Variants in ERCC1 observed in about 807,000 individuals in gnomAD.
ERCC1 encodes the protein DNA excision repair protein ERCC-1.
ERCC1 carries 36 observed loss-of-function variants against 37.6 expected under a neutral mutation model. The ratio of observed to expected loss-of-function variants is 0.96; its 90% CI spans 0.73 to 1.26. The LOEUF (loss-of-function observed/expected upper bound fraction) is 1.26. Ranked by LOEUF, ERCC1 falls within the 50% of genes most tolerant of loss-of-function variation. ERCC1 has a pLI of 0.00. For missense variants in ERCC1, 349 were observed against 376.5 expected (o/e 0.93, Z 0.60); for synonymous variants, 156 against 162.1 (o/e 0.96, Z 0.28).
rs180786624 is a variant in ERCC1 at position 45,432,972 on chromosome 19, C to T, written c.-7-9591G>A. Among the ~76,000 whole-genome samples, 836 of 152,206 alleles carry T rather than the reference C, an allele frequency of 5.5e-3. 18 individuals are homozygous for T. Among genetic ancestry groups the T allele is most frequent in the Admixed American group, 0.044 (665 of 15,262 alleles). ...GCACATGCCTCTAATCCCACCTACT[C>T]GGGAGGCTGAGGCAGGAGAATCGCT... is the stretch of plus-strand genomic sequence containing the variant. On this transcript the variant is annotated intron_variant, in intron 1 of 8. Transcript: ENST00000423698.
intron 7 of ERCC1, 57 bp from the exon 8 acceptor site, chr19:45,414,091 C>T: frequency 7.0e-7 from 1 of 1,434,152 alleles, no homozygotes; most frequent in Non-Finnish European, 9.8e-7. Flanking sequence ...AAGACTGAGC[C>T]TAGGAGGGCA....
chr19:45,421,452 G>A (rs1459418972), intron 2 of ERCC1, 59 bp from the exon 3 acceptor site: 2 of 1,253,280 alleles, frequency 1.6e-6, no homozygotes, highest in East Asian at 2.3e-5. Context: ...GACATCTGAG[G>A]CCCTGTGAGT....
chr19:45,435,965 C>T (rs898010629), intron 1 of ERCC1, among the ~76,000 whole-genome samples: 5 of 152,138 alleles, frequency 3.3e-5, no homozygotes, highest in African/African-American at 1.2e-4. Flanking sequence ...GGGGTTTCAC[C>T]ATGGTGGCCA....
chr19:45,408,433 C>T lies in ERCC1; in HGVS notation c.*1242G>A. 1.2e-6 allele frequency: 2 copies of T among 1,613,762 alleles called. No homozygotes were observed. Among genetic ancestry groups the T allele is most frequent in the Non-Finnish European group, 1.7e-6 (2 of 1,179,896 alleles). On this transcript the variant is annotated 3_prime_UTR_variant, in exon 10 of 10. Coordinates refer to ENST00000300853, the MANE Select transcript of ERCC1 (RefSeq NM_001983.4). ...CTCGGTTCTGTGCCTTTGGGGGCAA[C>T]CCACCAGTCACAGGGCCTAGGTCAG...
At chr19:45,444,264 TC>T (rs1224189939) in intron 1 of ERCC1, among the ~76,000 whole-genome samples, 2 of 126,820 alleles carry the variant, frequency 1.6e-5, no homozygotes, top group African/African-American at 3.0e-5. Flanking sequence ...GTTCCCCATT[TC>T]CCCCCCTCCC....
chr19:45,446,532 G>T lies in ERCC1; in HGVS notation c.-7-23151C>A, dbSNP rs538272332. 3.9e-5 allele frequency among the ~76,000 whole-genome samples: 6 copies of T among 152,204 alleles called. No individual in the cohort carries two copies. The South Asian group carries it at 1.0e-3, about 26-fold the overall frequency. On this transcript the variant is annotated intron_variant, in intron 1 of 8. Transcript: ENST00000423698. ...TCGCTTAACTTGCCTAAGGTCTCAC[G>T]GCTCAGTCTAGCTCCAAAGATGGTA...
rs111448570 is a variant in ERCC1 at position 45,407,534 on chromosome 19, C to T, written c.*2141G>A. The T allele has an allele frequency of 0.014, 5,064 of 365,016 alleles. 63 individuals are homozygous for T. Among genetic ancestry groups the T allele is most frequent in the Non-Finnish European group, 0.02 (4,029 of 204,348 alleles). The allele number at this position is 365,016 out of a possible 1,614,324, so 22.6% of individuals were successfully genotyped here. A position where few individuals can be genotyped will look rare whatever the true frequency, so the allele number is the denominator to read the frequency against. ...GTGTTATCCACGACCATTAATCCTG[C>T]AACCTAAGCTTGCTCATTTATGTTA... is the stretch of plus-strand genomic sequence containing the variant. On this transcript the variant is annotated 3_prime_UTR_variant, in exon 10 of 10. Coordinates refer to ENST00000300853, the MANE Select transcript of ERCC1 (RefSeq NM_001983.4).
rs1409785943 is a variant in ERCC1 at position 45,409,028 on chromosome 19, A to C, written c.*647T>G. On this transcript the variant is annotated 3_prime_UTR_variant, in exon 10 of 10. Transcript: ENST00000300853. The stretch of plus-strand genomic sequence containing the variant: ...GGCGATGGAGCCAGTGGAGCCGGAG[A>C]TGAAGCCTCTGGAGTCCCCAGGGGG... 2.5e-6 allele frequency: 4 copies of C among 1,614,092 alleles called. No homozygotes were observed. The highest frequency in any genetic ancestry group is 2.2e-5 in the East Asian group (1 of 44,878).
chr19:45,440,553 T>G (rs1387389004), intron 1 of ERCC1, among the ~76,000 whole-genome samples: 1 of 152,128 alleles, frequency 6.6e-6, no homozygotes, highest in Non-Finnish European at 1.5e-5. Context: ...TGGCCTAGTC[T>G]TCAGAGCTGA....
Position 45,409,714 on chromosome 19 carries a change from C to T in ERCC1, c.855G>A (p.Leu285=). Residue 285 remains leucine (L), a synonymous_variant, in exon 10 of 10, where the codon CTG becomes CTA. Transcript: ENST00000300853. ...PGLGPQKARR[L]FDVLHEPFLK... is the part of the protein sequence containing the mutation. ...AGAAGGGCTCGTGCAGGACATCAAA[C>T]AGCCTCCGGGCCTGGATGGGAGGGA... 1 of 867,564 alleles carries T rather than the reference C, an allele frequency of 1.2e-6. No individual in the cohort carries two copies. Among genetic ancestry groups the T allele is most frequent in the South Asian group, 1.3e-5 (1 of 75,716 alleles). The allele number at this position is 867,564 out of a possible 1,614,324, so 53.7% of individuals were successfully genotyped here. A position where few individuals can be genotyped will look rare whatever the true frequency, so the allele number is the denominator to read the frequency against.
intron 1 of ERCC1, among the ~76,000 whole-genome samples, chr19:45,439,398 T>C (rs1278968051): frequency 2.0e-5 from 3 of 151,802 alleles, no homozygotes; most frequent in Non-Finnish European, 2.9e-5. Context: ...AAAATAATAA[T>C]AGTAGTTAAT....
chr19:45,409,890 TTATTA>T (rs1196537456), intron 9 of ERCC1, 165 bp from the exon 10 acceptor site: 53 of 241,758 alleles, frequency 2.2e-4, no homozygotes, highest in African/African-American at 8.1e-4. Flanking sequence ...ATTATTATTA[TTATTA>T]TTTTTTTTTT....
chr19:45,420,565 A>ACCTCCTC lies in ERCC1; in HGVS notation c.322-145_322-139dup. The ACCTCCTC allele has an allele frequency of 2.9e-6, 2 of 683,628 alleles. No individual in the cohort carries two copies. The highest frequency in any genetic ancestry group is 1.5e-5 in the South Asian group (1 of 64,864). The allele number at this position is 683,628 out of a possible 1,614,324, so 42.3% of individuals were successfully genotyped here. On this transcript the variant is annotated intron_variant, in intron 3 of 9. Transcript: ENST00000300853. This position sits in a 1 kb window ranked among gnomAD's most constrained non-coding sequence, Gnocchi z 4.8. ...CCTGCCTCCTCGCACCTCTTCCCAC[A>ACCTCCTC]CCTCCTCCCTCCTCCCACCTGTGGC...
In ERCC1 at chr19:45,409,200, A is replaced by T; in HGVS notation, c.*475T>A. On this transcript the variant is annotated 3_prime_UTR_variant, in exon 10 of 10. Coordinates refer to ENST00000300853, the MANE Select transcript of ERCC1 (RefSeq NM_001983.4). Reference sequence around the variant, plus strand: ...GTGGTGGGGCCTGAGCTGCCGGATGACCTTGAGCCTCAGGCAGCTCCCACA... The same window carrying T: ...GTGGTGGGGCCTGAGCTGCCGGATGTCCTTGAGCCTCAGGCAGCTCCCACA... The T allele has an allele frequency of 6.2e-7, 1 of 1,613,422 alleles. No homozygotes were observed. Among genetic ancestry groups the T allele is most frequent in the South Asian group, 1.1e-5 (1 of 91,000 alleles).
chr19:45,423,501 C>T, intron 1 of ERCC1, 120 bp from the exon 2 acceptor site: 1 of 1,492,574 alleles, frequency 6.7e-7, no homozygotes, highest in Non-Finnish European at 8.9e-7. Context: ...AGCGTCAGGT[C>T]CCCAACACCC....
intron 1 of ERCC1, among the ~76,000 whole-genome samples, chr19:45,438,927 C>T (rs1055076346): frequency 3.3e-5 from 5 of 152,184 alleles, no homozygotes; most frequent in Non-Finnish European, 1.5e-5. Flanking sequence ...AGGTGTGAAC[C>T]ACCGCGCCCG....
chr19:45,423,811 G>C lies in ERCC1; in HGVS notation c.-38C>G. 6 of 1,129,122 alleles carry C rather than the reference G, an allele frequency of 5.3e-6. No homozygotes were observed. The highest frequency in any genetic ancestry group is 4.4e-6 in the Non-Finnish European group (4 of 914,556). 69.9% of individuals were successfully genotyped at this position (1,129,122 alleles called of 1,614,324 possible). On this transcript the variant is annotated 5_prime_UTR_variant, in exon 1 of 10. Transcript: ENST00000300853. ...GTCCGGGCCTCACGGTTTCAGCGCC[G>C]CGAGGCCTCACCTGCTGGTCTTGGA...
intron 1 of ERCC1, among the ~76,000 whole-genome samples, chr19:45,434,179 G>A (rs908602791): frequency 2.1e-5 from 3 of 141,978 alleles, no homozygotes; most frequent in African/African-American, 8.1e-5. Flanking sequence ...AAAAAAAAGA[G>A]GAAGAAGAAG....
At chr19:45,437,309 A>T (rs1975007482) in intron 1 of ERCC1, among the ~76,000 whole-genome samples, 1 of 152,114 alleles carries the variant, frequency 6.6e-6, no homozygotes, top group Non-Finnish European at 1.5e-5. Context: ...AAGTAAAAAT[A>T]AAATCGTACA....
Sources: gnomAD v4.1 joint callset for allele counts (sites outside exome capture counted in the v4.1 genomes callset) on GRCh38, gnomAD v4.1.1 for gene constraint, Gnocchi (gnomAD v3.1) non-coding constraint, MANE v1.5 for transcripts, NCBI Gene and HGNC (gene_info 2026-07-23, HGNC 2026-07-21) for gene names.